The following KALRN variants were observed in gnomAD, a reference collection of about 807,000 sequenced individuals.
KALRN encodes the protein kalirin RhoGEF kinase.
Under a neutral mutation model 353.7 loss-of-function variants are expected in KALRN, and 70 were observed. The observed-to-expected ratio is 0.20, with a 90% CI of 0.16 to 0.24. KALRN has a LOEUF of 0.24. Among genes scored for constraint, KALRN ranks in the 10% least tolerant of loss-of-function variants. The probability of loss-of-function intolerance (pLI) is 1.00; values close to 1 mark genes in which losing one functional copy is unlikely to be tolerated. For synonymous variants in KALRN, 1,391 were observed against 1,434.8 expected (o/e 0.97, Z 0.69); for missense variants, 2,791 against 3,756.7 (o/e 0.74, Z 6.72).
chr3:124,637,203 T>A lies in KALRN; in HGVS notation c.5569-5T>A. On this transcript the variant is annotated splice_region_variant and splice_polypyrimidine_tract_variant and intron_variant, in intron 36 of 59. Coordinates refer to ENST00000682506, the MANE Select transcript of KALRN (RefSeq NM_001388419.1). The stretch of plus-strand genomic sequence containing the variant: ...GCTTTTCCTCTGCTGCCCGATGTCT[T>A]GCAGTCCTCCTCTTTGCTAGCAGCC... The A allele has an allele frequency of 6.2e-7, 1 of 1,611,722 alleles. No homozygotes were observed. The highest frequency in any genetic ancestry group is 8.5e-7 in the Non-Finnish European group (1 of 1,177,744).
intron 13 of KALRN, among the ~76,000 whole-genome samples, chr3:124,403,608 A>G (rs528602134): frequency 4.6e-5 from 7 of 152,232 alleles, no homozygotes; most frequent in Non-Finnish European, 1.0e-4. Flanking sequence ...AATGGCATTC[A>G]AGGAAGAAAC....
At chr3:124,082,141 A>G (rs757757159) in intron 1 of KALRN, 4 of 402,120 alleles carry the variant, frequency 9.9e-6, no homozygotes, top group Non-Finnish European at 1.5e-5. Context: ...CTGCAATTGC[A>G]TCAGGCTGCA....
chr3:124,466,388 T>A (rs2060350097), intron 25 of KALRN, among the ~76,000 whole-genome samples: 1 of 152,200 alleles, frequency 6.6e-6, no homozygotes, highest in African/African-American at 2.4e-5. Context: ...GGAGAATATA[T>A]TCCATTAGTA....
chr3:124,257,516 A>G (rs752676171), intron 3 of KALRN, among the ~76,000 whole-genome samples: 22 of 152,262 alleles, frequency 1.4e-4, no homozygotes, highest in Admixed American at 3.3e-4. Flanking sequence ...AAAAGAGGAA[A>G]TGGTACAAGA....
At chr3:124,708,193 C>T (rs755100661) in intron 57 of KALRN, among the ~76,000 whole-genome samples, 2 of 152,216 alleles carry the variant, frequency 1.3e-5, no homozygotes, top group Non-Finnish European at 2.9e-5. Context: ...CAGAATCAGT[C>T]TCACAACATA....
chr3:124,346,900 TGGAA>T (rs2082312861), intron 9 of KALRN, among the ~76,000 whole-genome samples: 1 of 152,108 alleles, frequency 6.6e-6, no homozygotes. Flanking sequence ...GAAAAAGTAA[TGGAA>T]GGATAATATG....
Position 124,254,387 on chromosome 3 carries a change from T to C in KALRN, c.264-10111T>C, listed in dbSNP as rs561867642. The stretch of plus-strand genomic sequence containing the variant: ...AGCTAGCAAGAAGAAGCATGAATGT[T>C]TCTTCAAGATCAAGTGTTCTATGCA... On this transcript the variant is annotated intron_variant, in intron 3 of 59. Transcript: ENST00000682506. Among the ~76,000 whole-genome samples, 3 of 147,070 alleles carry C rather than the reference T, an allele frequency of 2.0e-5. No homozygotes were observed. The East Asian group carries it at 6.0e-4, about 29-fold the overall frequency.
chr3:124,165,365 C>T (rs1390407271), intron 1 of KALRN, among the ~76,000 whole-genome samples: 4 of 152,156 alleles, frequency 2.6e-5, no homozygotes, highest in Non-Finnish European at 1.5e-5. Flanking sequence ...GCCCTCCCAC[C>T]CTCAGATGTT....
chr3:124,651,057 C>A, intron 38 of KALRN, 119 bp downstream of exon 38: 1 of 1,253,684 alleles, frequency 8.0e-7, no homozygotes, highest in Non-Finnish European at 1.1e-6. Flanking sequence ...ATCTTTCATT[C>A]TAAGACTCAG....
At chr3:124,237,967 G>A (rs1255695643) in intron 3 of KALRN, among the ~76,000 whole-genome samples, 4 of 152,086 alleles carry the variant, frequency 2.6e-5, no homozygotes, top group Non-Finnish European at 5.9e-5. Context: ...TGGCCATTTG[G>A]GGGACCATTT....
intron 58 of KALRN, 95 bp downstream of exon 58, chr3:124,713,230 G>A: frequency 9.3e-7 from 1 of 1,080,992 alleles, no homozygotes; most frequent in Non-Finnish European, 1.3e-6. Flanking sequence ...TTTTATACAA[G>A]GTCCTATCAT....
rs1054019520 is a variant in KALRN, at chr3:124,654,557, A to G, written c.5796-1044A>G. On this transcript the variant is annotated intron_variant, in intron 38 of 59. Coordinates refer to ENST00000682506, the MANE Select transcript of KALRN (RefSeq NM_001388419.1). Reference sequence around the variant, plus strand: ...AGAGTTTGACTCCAGTAGGTTGCACAGCACCACCCTGCCCCTGTGCACAAC... The same window carrying G: ...AGAGTTTGACTCCAGTAGGTTGCACGGCACCACCCTGCCCCTGTGCACAAC... Among the ~76,000 whole-genome samples, 5 of 152,244 alleles carry G rather than the reference A, an allele frequency of 3.3e-5. No individual in the cohort carries two copies. The South Asian group carries it at 1.0e-3, about 32-fold the overall frequency.
intron 34 of KALRN, among the ~76,000 whole-genome samples, chr3:124,593,614 G>C (rs1341944407): frequency 1.3e-5 from 2 of 151,976 alleles, no homozygotes; most frequent in African/African-American, 2.4e-5. Context: ...CCTCTCCCCA[G>C]CTCCAGCAAA....
chr3:124,565,786 A>T (rs551756526), intron 34 of KALRN, among the ~76,000 whole-genome samples: 1 of 152,304 alleles, frequency 6.6e-6, no homozygotes, highest in African/African-American at 2.4e-5. Flanking sequence ...CGCAGGAGCA[A>T]ACCCAAGGTG....
At chr3:124,713,213 A>C in intron 58 of KALRN, 78 bp downstream of exon 58, 1 of 1,277,628 alleles carries the variant, frequency 7.8e-7, no homozygotes, top group Non-Finnish European at 1.1e-6. Context: ...TGGAAAAGAC[A>C]GTTACATTTT....
Position 124,434,412 on chromosome 3 carries a change from A to G in KALRN, c.2935A>G (p.Ile979Val). Residue 979 changes from isoleucine (I) to valine (V), a missense_variant, in exon 17 of 60, where the codon ATC becomes GTC. Physicochemically the swap from Ile to Val is conservative, Grantham distance 29. Coordinates refer to ENST00000682506, the MANE Select transcript of KALRN (RefSeq NM_001388419.1). ...LQAGHYDADA[I>V]RECAEKVALH... ...GGCCGGCCACTACGATGCCGATGCC[A>G]TCCGGGAATGTGCTGAGAAGGTGGC... is the stretch of plus-strand genomic sequence containing the variant. 6.2e-7 allele frequency: 1 copy of G among 1,614,192 alleles called. No homozygotes were observed. The highest frequency in any genetic ancestry group is 1.3e-5 in the African/African-American group (1 of 75,056).
At chr3:124,320,638 G>A (rs1487241224) in intron 6 of KALRN, among the ~76,000 whole-genome samples, 1 of 152,202 alleles carries the variant, frequency 6.6e-6, no homozygotes, top group African/African-American at 2.4e-5. Flanking sequence ...CACATGCCAA[G>A]GTGGTTGAGG....
intron 23 of KALRN, among the ~76,000 whole-genome samples, chr3:124,459,747 A>G (rs921184261): frequency 6.6e-6 from 1 of 152,208 alleles, no homozygotes; most frequent in African/African-American, 2.4e-5. Context: ...AATTACTAGA[A>G]AAAAATAGTA....
chr3:124,376,521 G>A (rs1178120232), intron 10 of KALRN, among the ~76,000 whole-genome samples: 1 of 152,142 alleles, frequency 6.6e-6, no homozygotes, highest in Non-Finnish European at 1.5e-5. Context: ...GCCAACAGAT[G>A]GAGGAGAAAT....
Sources: gnomAD v4.1 joint callset for allele counts (sites outside exome capture counted in the v4.1 genomes callset) on GRCh38, gnomAD v4.1.1 for gene constraint, MANE v1.5 for transcripts, NCBI Gene and HGNC (gene_info 2026-07-23, HGNC 2026-07-21) for gene names.